Variants in ST8SIA5 observed in about 807,000 individuals in gnomAD.
ST8SIA5 encodes ST8 alpha-N-acetyl-neuraminide alpha-2,8-sialyltransferase 5.
In ST8SIA5, 24 loss-of-function variants were observed where a neutral mutation model predicts 40.2. That is an observed-to-expected ratio of 0.60 (90% CI 0.43 to 0.84). The LOEUF (loss-of-function observed/expected upper bound fraction) is 0.84. ST8SIA5 is among the 40% of genes least tolerant of loss of function. The pLI, the probability that ST8SIA5 is intolerant of heterozygous loss-of-function variation, is 0.00. For synonymous variants in ST8SIA5, 198 were observed against 201.8 expected (o/e 0.98, Z 0.16); for missense variants, 465 against 498.5 (o/e 0.93, Z 0.64).
intron 1 of ST8SIA5, among the ~76,000 whole-genome samples, chr18:46,713,008 A>G (rs374305333): frequency 1.7e-3 from 261 of 152,314 alleles, no homozygotes; most frequent in African/African-American, 5.9e-3. Flanking sequence ...GCAGCTGCCA[A>G]TGTGGCTAGG....
rs553698582 is a variant in ST8SIA5, at chr18:46,712,477, T to A, written c.132-7813A>T. The stretch of plus-strand genomic sequence containing the variant: ...TCTGGAATACTCTTTGCTTTCTTGC[T>A]AGTCCCTGCCTACTCATTCAGCAGA... On this transcript the variant is annotated intron_variant, in intron 1 of 6. Transcript: ENST00000315087. 3.9e-5 allele frequency among the ~76,000 whole-genome samples: 6 copies of A among 152,320 alleles called. No individual in the cohort carries two copies. The South Asian group carries it at 1.2e-3, about 32-fold the overall frequency.
rs2039334701 is a variant in ST8SIA5, at chr18:46,675,621, CCTAGGA to C, written c.*4415_*4420del. 1 of 152,098 alleles carries C rather than the reference CCTAGGA, an allele frequency of 6.6e-6. No individual in the cohort carries two copies. The allele number at this position is 152,098 out of a possible 1,614,324, so 9.4% of individuals were successfully genotyped here. ...TAGATGAGATTTCTGCAGGAATGCTCCTAGGAAGAGAAGAGAACCCTGAGGAAGCTT... is the reference window on the plus strand; with the variant it reads ...TAGATGAGATTTCTGCAGGAATGCTCAGAGAAGAGAACCCTGAGGAAGCTT... On this transcript the variant is annotated 3_prime_UTR_variant, in exon 7 of 7. Transcript: ENST00000315087.
In ST8SIA5 at chr18:46,756,910, G is replaced by C. The variant is rs1042807866; in HGVS notation, c.-402C>G. 1 of 192,010 alleles carries C rather than the reference G, an allele frequency of 5.2e-6. No individual in the cohort carries two copies. Among genetic ancestry groups the C allele is most frequent in the Non-Finnish European group, 1.1e-5 (1 of 94,926 alleles). 11.9% of individuals were successfully genotyped at this position (192,010 alleles called of 1,614,324 possible). A position where few individuals can be genotyped will look rare whatever the true frequency, so the allele number is the denominator to read the frequency against. The stretch of plus-strand genomic sequence containing the variant: ...AAGACCCGGGCTCCGTCCCCTGTGC[G>C]CCCCAGCGCGCCGCGCATCGACCCC... On this transcript the variant is annotated 5_prime_UTR_variant, in exon 1 of 7. Transcript: ENST00000315087.
chr18:46,692,166 T>A lies in ST8SIA5; in HGVS notation c.311+3A>T, dbSNP rs542660984. 2 of 1,614,024 alleles carry A rather than the reference T, an allele frequency of 1.2e-6. No homozygotes were observed. Among genetic ancestry groups the A allele is most frequent in the South Asian group, 1.1e-5 (1 of 91,072 alleles). ...GAAGGGAGGACAGACGAATCATAGA[T>A]ACTTGAACTGGTTGGCCTCAGAGAT... is the stretch of plus-strand genomic sequence containing the variant. On this transcript the variant is annotated splice_donor_region_variant and intron_variant, in intron 3 of 6. Transcript: ENST00000315087.
At chr18:46,694,798 C>G (rs900069170) in intron 2 of ST8SIA5, among the ~76,000 whole-genome samples, 1 of 151,724 alleles carries the variant, frequency 6.6e-6, no homozygotes, top group Non-Finnish European at 1.5e-5. Context: ...TGGGGAGAAT[C>G]TGAAGCTTTC....
chr18:46,741,182 T>G (rs1318395790), intron 1 of ST8SIA5, among the ~76,000 whole-genome samples: 1 of 151,928 alleles, frequency 6.6e-6, no homozygotes, highest in Non-Finnish European at 1.5e-5. Flanking sequence ...TGTTAAGAAT[T>G]AAAAAGGGGC....
In ST8SIA5 at chr18:46,725,649, T is replaced by C. The variant is rs2039910546; in HGVS notation, c.132-20985A>G. 2.0e-5 allele frequency among the ~76,000 whole-genome samples: 3 copies of C among 152,120 alleles called. No individual in the cohort carries two copies. In the South Asian group the frequency reaches 6.2e-4, roughly 32 times the overall value. On this transcript the variant is annotated intron_variant, in intron 1 of 6. Coordinates refer to ENST00000315087, the MANE Select transcript of ST8SIA5 (RefSeq NM_013305.6). ...GTAGGTGGAATTAAAGTTTATTTTT[T>C]CTTTTAGTTTAGCAATGTTTACTCA...
intron 1 of ST8SIA5, among the ~76,000 whole-genome samples, chr18:46,705,121 G>A (rs780542787): frequency 2.0e-5 from 3 of 152,242 alleles, no homozygotes; most frequent in African/African-American, 7.2e-5. Flanking sequence ...CTTGATCCTC[G>A]TGCCTACACT....
chr18:46,687,950 A>G (rs1753395171), intron 4 of ST8SIA5, among the ~76,000 whole-genome samples: 1 of 152,340 alleles, frequency 6.6e-6, no homozygotes, highest in Non-Finnish European at 1.5e-5. Flanking sequence ...ACTGGCTGAA[A>G]GCGCAGGTTC....
At chr18:46,719,717 TCTCTCTTTCTCTCTCTTCTTTCCTTC>T (rs1269974308) in intron 1 of ST8SIA5, among the ~76,000 whole-genome samples, 2 of 150,962 alleles carry the variant, frequency 1.3e-5, no homozygotes, top group East Asian at 1.9e-4. Context: ...TCTCTTTCTT[TCTCTCTTTCTCTCTCTTCTTTCCTTC>T]CTTTCTTTCT....
rs145069205 is a variant in ST8SIA5, at chr18:46,669,921, T to C, written c.*10121A>G. 22 of 152,042 alleles carry C rather than the reference T, an allele frequency of 1.4e-4. No individual in the cohort carries two copies. Among genetic ancestry groups the C allele is most frequent in the African/African-American group, 5.1e-4 (21 of 41,466 alleles). The allele number at this position is 152,042 out of a possible 1,614,324, so 9.4% of individuals were successfully genotyped here. A position where few individuals can be genotyped will look rare whatever the true frequency, so the allele number is the denominator to read the frequency against. On this transcript the variant is annotated 3_prime_UTR_variant, in exon 7 of 7. Coordinates refer to ENST00000315087, the MANE Select transcript of ST8SIA5 (RefSeq NM_013305.6). ...CGTCTCTACTAAAAATACCAAAAATTAGCTGGGCAAAGTGGTGGGCGCCTG... is the reference window on the plus strand; with the variant it reads ...CGTCTCTACTAAAAATACCAAAAATCAGCTGGGCAAAGTGGTGGGCGCCTG...
intron 1 of ST8SIA5, among the ~76,000 whole-genome samples, chr18:46,728,143 T>C (rs1222404535): frequency 6.7e-6 from 1 of 148,342 alleles, no homozygotes; most frequent in Admixed American, 6.9e-5. Flanking sequence ...TGCAGTGAGC[T>C]GAGATCACAC....
intron 1 of ST8SIA5, among the ~76,000 whole-genome samples, chr18:46,715,746 T>A (rs1247626270): frequency 6.7e-6 from 1 of 149,968 alleles, no homozygotes; most frequent in East Asian, 1.9e-4. Flanking sequence ...TGTCTAGCTA[T>A]TTTTTTTTAT....
At chr18:46,683,375 G>A (rs1276619792) in intron 5 of ST8SIA5, among the ~76,000 whole-genome samples, 1 of 152,114 alleles carries the variant, frequency 6.6e-6, no homozygotes, top group African/African-American at 2.4e-5. Flanking sequence ...AAATAAGCAG[G>A]TGTTAGCTGG....
chr18:46,690,478 T>C (rs909103545), intron 3 of ST8SIA5, among the ~76,000 whole-genome samples: 1 of 152,140 alleles, frequency 6.6e-6, no homozygotes, highest in Non-Finnish European at 1.5e-5. Context: ...ACACCCCTCA[T>C]GCCCAGAGCT....
chr18:46,728,644 A>G (rs1401773186), intron 1 of ST8SIA5, among the ~76,000 whole-genome samples: 1 of 152,204 alleles, frequency 6.6e-6, no homozygotes, highest in African/African-American at 2.4e-5. Context: ...GAGACTGGCC[A>G]TGTGCTCAAG....
At chr18:46,701,700 C>A (rs1323764608) in intron 2 of ST8SIA5, among the ~76,000 whole-genome samples, 1 of 152,184 alleles carries the variant, frequency 6.6e-6, no homozygotes, top group East Asian at 1.9e-4. Flanking sequence ...CTTGTTACAG[C>A]AAACTGATAC....
At chr18:46,680,535 G>A (rs750013391) in intron 6 of ST8SIA5, 25 bp from the exon 7 acceptor site, 64 of 1,538,796 alleles carry the variant, frequency 4.2e-5, no homozygotes, top group Non-Finnish European at 5.6e-5. Context: ...AGTGAGAGGT[G>A]AGCACCCACT....
chr18:46,716,088 A>ATAGG (rs1222517512), intron 1 of ST8SIA5, among the ~76,000 whole-genome samples: 2 of 111,672 alleles, frequency 1.8e-5, no homozygotes, highest in Non-Finnish European at 3.4e-5. Context: ...GTCACACAGG[A>ATAGG]TAGATAGATA....
Sources: allele counts gnomAD v4.1 joint callset (sites outside exome capture counted in the v4.1 genomes callset), GRCh38; gene constraint gnomAD v4.1.1; transcripts MANE v1.5; gene names NCBI Gene and HGNC (gene_info 2026-07-23, HGNC 2026-07-21).